Variants in SSR1 observed in about 807,000 individuals in gnomAD.
The protein encoded by SSR1 is signal sequence receptor subunit 1.
SSR1 carries 13 observed loss-of-function variants against 36.1 expected under a neutral mutation model. That is an observed-to-expected ratio of 0.36 (90% CI 0.23 to 0.57). The LOEUF is 0.57. SSR1 is among the 20% of genes least tolerant of loss of function. The pLI is 0.81. For missense variants in SSR1, 291 were observed against 338.5 expected (o/e 0.86, Z 1.10); for synonymous variants, 113 against 118.9 (o/e 0.95, Z 0.32).
Position 7,287,725 on chromosome 6 carries a change from CAAAG to C in SSR1, c.*2135_*2138del, listed in dbSNP as rs1157684661. The C allele has an allele frequency of 6.6e-6, 1 of 152,420 alleles. No individual in the cohort carries two copies. The highest frequency in any genetic ancestry group is 1.9e-4 in the East Asian group (1 of 5,192). 9.4% of individuals were successfully genotyped at this position (152,420 alleles called of 1,614,324 possible). ...GGTGTAGCAAATGAATATATCAAAA[CAAAG>C]AAAAACTTCATCCAAATATTTACAT... On this transcript the variant is annotated 3_prime_UTR_variant, in exon 8 of 8. Transcript: ENST00000244763.
intron 3 of SSR1, among the ~76,000 whole-genome samples, 158 bp downstream of exon 3, chr6:7,303,392 T>G (rs1413047406): frequency 6.6e-6 from 1 of 152,160 alleles, no homozygotes; most frequent in African/African-American, 2.4e-5. Context: ...ATTTTATTTT[T>G]TCCCCTTGGT....
intron 3 of SSR1, among the ~76,000 whole-genome samples, chr6:7,302,816 TA>T (rs1277758789): frequency 2.6e-5 from 4 of 151,418 alleles, no homozygotes; most frequent in African/African-American, 9.7e-5. Context: ...TTGGAAAAAT[TA>T]AGTATCTCAT....
intron 5 of SSR1, 167 bp downstream of exon 5, chr6:7,298,580 T>C: frequency 1.8e-6 from 1 of 563,078 alleles, no homozygotes; most frequent in Admixed American, 3.2e-5. Flanking sequence ...ATTTGACTTT[T>C]ATAGTTATAA....
Position 7,310,012 on chromosome 6 carries a change from G to C in SSR1, c.97C>G (p.Gln33Glu). Residue 33 changes from glutamine to glutamate, a missense_variant, in exon 2 of 8, where the codon CAA (glutamine) becomes GAA (glutamate). By Grantham distance (29) the Gln-to-Glu change is conservative (BLOSUM62 2). Transcript: ENST00000244763. ...GGPRGLLAVA[Q>E]DLTEDEETVE... ...GTTTCTTCATCCTCTGTAAGATCTT[G>C]TGCCACTGCTAACAAGCCTAATGAT... 1 of 1,612,852 alleles carries C rather than the reference G, an allele frequency of 6.2e-7. No homozygotes were observed. Among genetic ancestry groups the C allele is most frequent in the Non-Finnish European group, 8.5e-7 (1 of 1,179,250 alleles).
chr6:7,289,890 T>C lies in SSR1; in HGVS notation c.835A>G (p.Lys279Glu). The C allele has an allele frequency of 6.5e-7, 1 of 1,549,624 alleles. No homozygotes were observed. The highest frequency in any genetic ancestry group is 8.6e-7 in the Non-Finnish European group (1 of 1,157,964). Reference sequence around the variant, plus strand: ...TACTCATCAGATCCCACTGATCTCTTCTGTGCCCGTTTCCTGGGCAACCTT... The same window carrying C: ...TACTCATCAGATCCCACTGATCTCTCCTGTGCCCGTTTCCTGGGCAACCTT... ...PRRLPRKRAQ[K>E]RSVGSDE The change falls in exon 8 of 8, where the codon AAG becomes GAG. Residue 279 changes from lysine (K) to glutamate (E), a missense_variant. Coordinates refer to ENST00000244763, the MANE Select transcript of SSR1 (RefSeq NM_003144.5).
rs1757426484 is a variant in SSR1 at position 7,281,842 on chromosome 6, C to A, written c.*8022G>T. ...AAACACTGTAAGTGAAAATGAGTCA[C>A]AGGCAGTTAGAATGGCGTTAAGGAA... On this transcript the variant is annotated 3_prime_UTR_variant, in exon 8 of 8. Coordinates refer to ENST00000244763, the MANE Select transcript of SSR1 (RefSeq NM_003144.5). 1.3e-5 allele frequency: 2 copies of A among 152,202 alleles called. No individual in the cohort carries two copies. The highest frequency in any genetic ancestry group is 4.1e-4 in the South Asian group (2 of 4,832). The allele number at this position is 152,202 out of a possible 1,614,324, so 9.4% of individuals were successfully genotyped here. A position where few individuals can be genotyped will look rare whatever the true frequency, so the allele number is the denominator to read the frequency against.
At position 7,286,938 on chromosome 6, in the gene SSR1, A is replaced by AAAAG. The variant is rs1757568302; in HGVS notation, c.*2925_*2926insCTTT. The AAAAG allele has an allele frequency of 6.6e-6, 1 of 151,056 alleles. No individual in the cohort carries two copies. The highest frequency in any genetic ancestry group is 1.5e-5 in the Non-Finnish European group (1 of 67,812). 9.4% of individuals were successfully genotyped at this position (151,056 alleles called of 1,614,324 possible). A position where few individuals can be genotyped will look rare whatever the true frequency, so the allele number is the denominator to read the frequency against. On this transcript the variant is annotated 3_prime_UTR_variant, in exon 8 of 8. Coordinates refer to ENST00000244763, the MANE Select transcript of SSR1 (RefSeq NM_003144.5). ...GGGCAAAAAAAAAAAAAAAAAAAAA[A>AAAAG]GTACTATGGAAGTACTTAAGTACAT...
intron 2 of SSR1, among the ~76,000 whole-genome samples, chr6:7,308,361 AAAG>A (rs950170371): frequency 1.3e-5 from 2 of 152,226 alleles, no homozygotes; most frequent in African/African-American, 4.8e-5. Flanking sequence ...GTAAGTCAAA[AAAG>A]AAGCAGAAAT....
At chr6:7,303,880 G>C (rs1019605068) in intron 2 of SSR1, among the ~76,000 whole-genome samples, 1 of 152,060 alleles carries the variant, frequency 6.6e-6, no homozygotes, top group African/African-American at 2.4e-5. Context: ...CCAGCTACTC[G>C]GAAGGCTAAG....
intron 2 of SSR1, among the ~76,000 whole-genome samples, chr6:7,305,113 A>G (rs1758027380): frequency 6.6e-6 from 1 of 152,238 alleles, no homozygotes; most frequent in Admixed American, 6.5e-5. Context: ...AGACAGGAAC[A>G]GGGTATATTT....
intron 4 of SSR1, among the ~76,000 whole-genome samples, chr6:7,299,594 T>TG (rs1757885199): frequency 6.7e-6 from 1 of 150,018 alleles, no homozygotes; most frequent in Non-Finnish European, 1.5e-5. Context: ...GCTACTCAGG[T>TG]GGCTGAGGCA....
intron 2 of SSR1, among the ~76,000 whole-genome samples, chr6:7,305,052 G>A (rs1435992520): frequency 6.6e-6 from 1 of 152,220 alleles, no homozygotes; most frequent in Non-Finnish European, 1.5e-5. Context: ...AGACCCATAA[G>A]TAGGAAAAGA....
rs1208163126 is a variant in SSR1, at chr6:7,282,884, C to T, written c.*6980G>A. 1 of 152,154 alleles carries T rather than the reference C, an allele frequency of 6.6e-6. No individual in the cohort carries two copies. Among genetic ancestry groups the T allele is most frequent in the Non-Finnish European group, 1.5e-5 (1 of 68,028 alleles). 9.4% of individuals were successfully genotyped at this position (152,154 alleles called of 1,614,324 possible). ...ACTGGATGACATATCAAATGCAAGG[C>T]CTTAAAATGCATTCACTCTAATAAA... On this transcript the variant is annotated 3_prime_UTR_variant, in exon 8 of 8. Transcript: ENST00000244763.
chr6:7,303,890 G>A (rs536035892), intron 2 of SSR1, among the ~76,000 whole-genome samples: 1 of 152,268 alleles, frequency 6.6e-6, no homozygotes, highest in Non-Finnish European at 1.5e-5. Context: ...GGAAGGCTAA[G>A]GCAGGAGAAT....
Position 7,309,942 on chromosome 6 carries a change from A to C in SSR1, c.167T>G (p.Val56Gly), listed in dbSNP as rs1014424288. Residue 56 changes from valine to glycine, a missense_variant, in exon 2 of 8, where the codon GTA becomes GGA. By Grantham distance (109) the Val-to-Gly change is moderately radical (BLOSUM62 -3). Coordinates refer to ENST00000244763, the MANE Select transcript of SSR1 (RefSeq NM_003144.5). ...CAAATCTGTGGGTTCATCTTCTTCT[A>C]CCTCGGCTTCATCATCTTCATCCTC... ...IIEDEDDEAE[V>G]EEDEPTDLVE... 6.2e-7 allele frequency: 1 copy of C among 1,613,848 alleles called. No individual in the cohort carries two copies. The highest frequency in any genetic ancestry group is 8.5e-7 in the Non-Finnish European group (1 of 1,179,828).
At chr6:7,305,345 A>G (rs909363332) in intron 2 of SSR1, among the ~76,000 whole-genome samples, 4 of 152,260 alleles carry the variant, frequency 2.6e-5, no homozygotes, top group African/African-American at 9.6e-5. Flanking sequence ...CTACAACAGG[A>G]TAACAACGGA....
chr6:7,295,385 T>A lies in SSR1; in HGVS notation c.793+7A>T. 2 of 1,590,798 alleles carry A rather than the reference T, an allele frequency of 1.3e-6. No homozygotes were observed. Among genetic ancestry groups the A allele is most frequent in the Non-Finnish European group, 1.7e-6 (2 of 1,161,940 alleles). On this transcript the variant is annotated splice_region_variant and intron_variant, in intron 7 of 7. Coordinates refer to ENST00000244763, the MANE Select transcript of SSR1 (RefSeq NM_003144.5). ...AACTTCCCAGCCAAGTCTGTAAGAC[T>A]ACTTACTGATTTGATTCAATGTTTC...
chr6:7,294,452 C>T (rs1202869443), intron 7 of SSR1, among the ~76,000 whole-genome samples: 2 of 152,172 alleles, frequency 1.3e-5, no homozygotes. Context: ...CTTTGGGAGG[C>T]CGAGGCTAGC....
intron 1 of SSR1, among the ~76,000 whole-genome samples, chr6:7,311,272 A>G (rs1581639718): frequency 6.7e-6 from 1 of 150,318 alleles, no homozygotes; most frequent in African/African-American, 2.5e-5. Flanking sequence ...AAGTCACATT[A>G]TATCTATTTC....
Sources: gnomAD v4.1 joint callset for allele counts (sites outside exome capture counted in the v4.1 genomes callset) on GRCh38, gnomAD v4.1.1 for gene constraint, MANE v1.5 for transcripts, NCBI Gene and HGNC (gene_info 2026-07-23, HGNC 2026-07-21) for gene names.